Variants in SAMD12 observed in about 807,000 individuals in gnomAD.
The protein encoded by SAMD12 is sterile alpha motif domain containing 12, also known as sterile alpha motif domain-containing protein 12.
In SAMD12, 9 loss-of-function variants were observed where a neutral mutation model predicts 15.0. That is an observed-to-expected ratio of 0.60 (90% CI 0.36 to 1.05). The LOEUF is 1.05. Among genes scored for constraint, SAMD12 ranks in the 50% least tolerant of loss-of-function variants. SAMD12 has a pLI of 0.01. For synonymous variants in SAMD12, 86 were observed against 90.1 expected, an observed-to-expected ratio of 0.96 and a Z score of 0.25; for missense variants, 230 against 234.2, an observed-to-expected ratio of 0.98 and a Z score of 0.12.
chr8:118,357,530 C>A (rs1211642522), intron 4 of SAMD12, among the ~76,000 whole-genome samples: 3 of 152,090 alleles, frequency 2.0e-5, no homozygotes, highest in Non-Finnish European at 4.4e-5. Context: ...TGTGCCTGGC[C>A]TAAAAGTGTA....
At chr8:118,467,215 G>A (rs1293557029) in intron 2 of SAMD12, among the ~76,000 whole-genome samples, 1 of 152,116 alleles carries the variant, frequency 6.6e-6, no homozygotes, top group African/African-American at 2.4e-5. Context: ...ACCAATTATA[G>A]TTTGGGGATG....
rs557010244 is a variant in SAMD12, at chr8:118,544,212, G to T, written c.192+36503C>A. Among the ~76,000 whole-genome samples the T allele has an allele frequency of 7.9e-5, 12 of 152,286 alleles. No individual in the cohort carries two copies. The South Asian group carries it at 2.1e-3, about 26-fold the overall frequency. ...TCTAAGTATGTGGTGGCACAAAAAT[G>T]AGTCATATTTCACTTTCACAATATT... On this transcript the variant is annotated intron_variant, in intron 2 of 3. Transcript: ENST00000314727.
chr8:118,391,905 A>G (rs994387826), intron 3 of SAMD12, among the ~76,000 whole-genome samples: 1 of 152,080 alleles, frequency 6.6e-6, no homozygotes. Flanking sequence ...AGCCATGACC[A>G]TGAAGACCAT....
At chr8:118,477,732 T>C (rs1012029951) in intron 2 of SAMD12, among the ~76,000 whole-genome samples, 5 of 151,962 alleles carry the variant, frequency 3.3e-5, no homozygotes, top group Non-Finnish European at 5.9e-5. Context: ...GACAGGGAAC[T>C]GGCCGGGCGC....
intron 4 of SAMD12, among the ~76,000 whole-genome samples, chr8:118,238,559 G>T (rs1041328716): frequency 6.6e-6 from 1 of 152,026 alleles, no homozygotes; most frequent in Admixed American, 6.6e-5. Flanking sequence ...CTATCTCCTT[G>T]TGCTGACTCA....
At position 118,317,487 on chromosome 8, in the gene SAMD12, A is replaced by G. The variant is rs1206665023; in HGVS notation, c.433+62073T>C. Among the ~76,000 whole-genome samples the G allele has an allele frequency of 3.3e-5, 5 of 152,206 alleles. No individual in the cohort carries two copies. In the East Asian group the frequency reaches 9.6e-4, roughly 29 times the overall value. ...ATCGAGAACTGCAGACAATACATGA[A>G]CCTCATGATGAAAATGTTGAAGAAG... On this transcript the variant is annotated intron_variant, in intron 4 of 4. Transcript: ENST00000409003.
intron 2 of SAMD12, among the ~76,000 whole-genome samples, chr8:118,510,661 G>A (rs940761171): frequency 6.6e-6 from 1 of 152,194 alleles, no homozygotes. Context: ...GGCATCATCT[G>A]TTGGAGAGTG....
intron 1 of SAMD12, among the ~76,000 whole-genome samples, chr8:118,589,358 CT>C (rs1205269856): frequency 1.3e-5 from 2 of 152,182 alleles, no homozygotes; most frequent in Non-Finnish European, 2.9e-5. Context: ...CTCACTCACT[CT>C]GGTTTACTTG....
At chr8:118,425,802 G>A (rs1048869855) in intron 3 of SAMD12, among the ~76,000 whole-genome samples, 10 of 152,278 alleles carry the variant, frequency 6.6e-5, no homozygotes, top group South Asian at 2.1e-4. Context: ...TCTGCTCCTC[G>A]AATTTGGTTG....
chr8:118,447,293 G>C (rs74339731), intron 2 of SAMD12, among the ~76,000 whole-genome samples: 1 of 150,850 alleles, frequency 6.6e-6, no homozygotes, highest in Non-Finnish European at 1.5e-5. Flanking sequence ...CTTCCCCTCA[G>C]TTGAAATCTT....
chr8:118,225,205 T>G (rs1812161787), intron 4 of SAMD12, among the ~76,000 whole-genome samples: 2 of 152,184 alleles, frequency 1.3e-5, no homozygotes, highest in Non-Finnish European at 2.9e-5. Flanking sequence ...GCTACACATC[T>G]TGAGGTTGGT....
chr8:118,171,656 G>T, the SAMD12 span, among the ~76,000 whole-genome samples: 1 of 151,868 alleles, frequency 6.6e-6, no homozygotes, highest in African/African-American at 2.4e-5. Context: ...CAGAAAGCAG[G>T]TCAGTGGTTG....
At chr8:118,323,588 T>C (rs1816409194) in intron 4 of SAMD12, among the ~76,000 whole-genome samples, 1 of 142,262 alleles carries the variant, frequency 7.0e-6, no homozygotes, top group Non-Finnish European at 1.5e-5. Flanking sequence ...ATAGCAAAAC[T>C]ACATCTCTAC....
chr8:118,390,520 C>CA (rs1203799261), intron 3 of SAMD12, among the ~76,000 whole-genome samples: 1 of 152,118 alleles, frequency 6.6e-6, no homozygotes, highest in Non-Finnish European at 1.5e-5. Context: ...AGATGCATTG[C>CA]AAATCCAGCT....
At chr8:118,154,366 T>C in the SAMD12 span, among the ~76,000 whole-genome samples, 2 of 152,178 alleles carry the variant, frequency 1.3e-5, no homozygotes, top group Admixed American at 1.3e-4. Context: ...GGGATGCCCT[T>C]CCAGACAGCC....
chr8:118,311,246 A>G (rs1319446847), intron 4 of SAMD12, among the ~76,000 whole-genome samples: 1 of 152,158 alleles, frequency 6.6e-6, no homozygotes, highest in African/African-American at 2.4e-5. Context: ...ATTTCTGAAG[A>G]AAAAAAATGA....
intron 3 of SAMD12, among the ~76,000 whole-genome samples, chr8:118,437,976 G>C (rs531396963): frequency 6.6e-6 from 1 of 152,026 alleles, no homozygotes; most frequent in African/African-American, 2.4e-5. Flanking sequence ...CATTACTATC[G>C]CACAGGCATT....
chr8:118,551,151 G>C (rs537086540), intron 2 of SAMD12, among the ~76,000 whole-genome samples: 74 of 152,284 alleles, frequency 4.9e-4, no homozygotes, highest in Non-Finnish European at 8.7e-4. Flanking sequence ...CCCAGGAATG[G>C]AAATCAGCTC....
In SAMD12 at chr8:118,212,300, C is replaced by G. The variant is rs1276519884; in HGVS notation, c.434-14568G>C. ...CAGGTGTGTGCCACCATGTCTGACC[C>G]AAAGTACATTTAAAAAAAATGTACC... On this transcript the variant is annotated intron_variant, in intron 4 of 4. Coordinates refer to the SAMD12 transcript ENST00000409003. Among the ~76,000 whole-genome samples, 8 of 151,632 alleles carry G rather than the reference C, an allele frequency of 5.3e-5. No homozygotes were observed. In the East Asian group the frequency reaches 1.5e-3, roughly 29 times the overall value.
Sources: gnomAD v4.1 joint callset for allele counts (sites outside exome capture counted in the v4.1 genomes callset) on GRCh38, gnomAD v4.1.1 for gene constraint, MANE v1.5 for transcripts, NCBI Gene and HGNC (gene_info 2026-07-23, HGNC 2026-07-21) for gene names.